Variants in TNPO3 observed in about 807,000 individuals in gnomAD.
TNPO3 encodes transportin-3.
In TNPO3, 65 loss-of-function variants were observed where a neutral mutation model predicts 122.8. That is an observed-to-expected ratio of 0.53 (90% confidence interval 0.43 to 0.65). The LOEUF is 0.65. Among genes scored for constraint, TNPO3 ranks in the 30% least tolerant of loss-of-function variants. The pLI is 0.00. For missense variants in TNPO3, 850 were observed against 1,136.7 expected (o/e 0.75, Z 3.63); for synonymous variants, 372 against 411.2 (o/e 0.90, Z 1.15).
At chr7:128,956,659 T>C (rs561152570) in intron 22 of TNPO3, among the ~76,000 whole-genome samples, 4 of 152,202 alleles carry the variant, frequency 2.6e-5, no homozygotes, top group Admixed American at 6.5e-5. Context: ...AAATCCAAAA[T>C]TGAAAAACAC....
rs11538883 is a variant in TNPO3, at chr7:129,001,174, G to C, written c.757C>G (p.Leu253Val). Reference protein sequence around the residue: ...EAASDCVCSALYAIENVETNL... With the variant: ...EAASDCVCSAVYAIENVETNL... ...GTCTCCACATTCTCAATGGCATAGA[G>C]AGCTGAGCATACACAGTCCGAAGCA... The change falls in exon 6 of 23, where the codon CTC becomes GTC. Residue 253 changes from leucine to valine, a missense_variant. By Grantham distance (32) the Leu-to-Val change is conservative. Coordinates refer to ENST00000265388, the MANE Select transcript of TNPO3 (RefSeq NM_012470.4). The C allele has an allele frequency of 6.2e-7, 1 of 1,614,140 alleles. No homozygotes were observed. Among genetic ancestry groups the C allele is most frequent in the Non-Finnish European group, 8.5e-7 (1 of 1,180,012 alleles).
intron 3 of TNPO3, among the ~76,000 whole-genome samples, chr7:129,015,409 T>C (rs1164090284): frequency 6.6e-6 from 1 of 152,240 alleles, no homozygotes; most frequent in East Asian, 1.9e-4. Context: ...GAAAAACATG[T>C]ATGAAACATA....
intron 1 of TNPO3, among the ~76,000 whole-genome samples, chr7:129,039,076 T>A (rs1807051339): frequency 6.6e-6 from 1 of 152,024 alleles, no homozygotes; most frequent in African/African-American, 2.4e-5. Context: ...TGATTAGCCA[T>A]CAGGAAATGC....
intron 20 of TNPO3, 52 bp from the exon 21 acceptor site, chr7:128,967,444 C>T (rs929969570): frequency 3.3e-6 from 4 of 1,218,768 alleles, no homozygotes; most frequent in Non-Finnish European, 4.9e-6. Flanking sequence ...GCTTACTCAC[C>T]TGAGACCCTA....
intron 13 of TNPO3, among the ~76,000 whole-genome samples, chr7:128,982,708 G>C (rs1799752070): frequency 6.6e-6 from 1 of 151,854 alleles, no homozygotes; most frequent in Non-Finnish European, 1.5e-5. Flanking sequence ...ATATTATAAG[G>C]CTTTAAAATT....
intron 13 of TNPO3, among the ~76,000 whole-genome samples, chr7:128,982,754 T>C (rs926953600): frequency 9.9e-5 from 15 of 152,200 alleles, no homozygotes; most frequent in African/African-American, 3.4e-4. Context: ...GCAAATTGTC[T>C]CTTACTCTTC....
chr7:129,019,856 T>C (rs1486092654), intron 1 of TNPO3, among the ~76,000 whole-genome samples: 1 of 151,456 alleles, frequency 6.6e-6, no homozygotes, highest in Admixed American at 6.6e-5. Flanking sequence ...ATTAGGCGGG[T>C]GTAGTGGCAC....
intron 10 of TNPO3, among the ~76,000 whole-genome samples, chr7:128,991,595 T>C (rs1800753672): frequency 6.6e-6 from 1 of 152,180 alleles, no homozygotes; most frequent in Non-Finnish European, 1.5e-5. Flanking sequence ...TGAAACAATG[T>C]AATTAATTTT....
intron 6 of TNPO3, 70 bp downstream of exon 6, chr7:129,000,989 T>TA (rs1801882571): frequency 3.3e-6 from 5 of 1,521,114 alleles, no homozygotes; most frequent in Middle Eastern, 1.7e-4. Context: ...AGACGAATAA[T>TA]AAAAAGTGAC....
At chr7:129,016,837 T>G in intron 3 of TNPO3, 146 bp downstream of exon 3, 1 of 650,756 alleles carries the variant, frequency 1.5e-6, no homozygotes, top group African/African-American at 1.8e-5. Flanking sequence ...TAGATAAGTT[T>G]CATTTAATCT....
At chr7:128,977,085 AC>A (rs1799138605) in intron 16 of TNPO3, among the ~76,000 whole-genome samples, 1 of 152,202 alleles carries the variant, frequency 6.6e-6, no homozygotes, top group Non-Finnish European at 1.5e-5. Flanking sequence ...AAACACAAAA[AC>A]AAAAATAGGT....
chr7:128,991,476 A>T (rs959714004), intron 10 of TNPO3, among the ~76,000 whole-genome samples: 1 of 152,238 alleles, frequency 6.6e-6, no homozygotes, highest in African/African-American at 2.4e-5. Flanking sequence ...CTATGGAATT[A>T]GAAGTAAAAT....
intron 1 of TNPO3, among the ~76,000 whole-genome samples, chr7:129,036,336 C>G (rs1011621969): frequency 3.3e-5 from 5 of 152,128 alleles, no homozygotes; most frequent in African/African-American, 7.2e-5. Flanking sequence ...CCCACCTCAG[C>G]CTCCTGTGTA....
chr7:128,965,682 A>C (rs1205475832), intron 21 of TNPO3, among the ~76,000 whole-genome samples: 1 of 152,226 alleles, frequency 6.6e-6, no homozygotes, highest in Non-Finnish European at 1.5e-5. Flanking sequence ...CAGCAGCCCA[A>C]ATGGCCATCA....
intron 20 of TNPO3, among the ~76,000 whole-genome samples, chr7:128,969,553 C>G (rs1256582951): frequency 6.6e-6 from 1 of 152,152 alleles, no homozygotes; most frequent in East Asian, 1.9e-4. Context: ...AACTTTCACA[C>G]AGTACACATA....
At chr7:128,990,501 T>C (rs1367207422) in intron 10 of TNPO3, among the ~76,000 whole-genome samples, 1 of 152,222 alleles carries the variant, frequency 6.6e-6, no homozygotes, top group Non-Finnish European at 1.5e-5. Flanking sequence ...ACTCAATAAA[T>C]ATTGCTGAAT....
intron 1 of TNPO3, among the ~76,000 whole-genome samples, chr7:129,036,205 G>A (rs908591858): frequency 5.9e-5 from 9 of 151,718 alleles, no homozygotes; most frequent in South Asian, 2.1e-4. Flanking sequence ...CGCCCACCTC[G>A]GCCTCCCAAA....
At chr7:128,962,137 G>A (rs76576038) in intron 21 of TNPO3, among the ~76,000 whole-genome samples, 14,386 of 151,772 alleles carry the variant, frequency 0.095, 743 homozygotes, top group Non-Finnish European at 0.12. Flanking sequence ...AGGCCGAGGC[G>A]GATGGATCAT....
At chr7:128,998,313 T>C (rs906621196) in intron 7 of TNPO3, among the ~76,000 whole-genome samples, 4 of 152,146 alleles carry the variant, frequency 2.6e-5, no homozygotes, top group East Asian at 2.0e-4. Flanking sequence ...TGAGCTGTGA[T>C]TGCACCACAG....
Sources: allele counts gnomAD v4.1 joint callset (sites outside exome capture counted in the v4.1 genomes callset), GRCh38; gene constraint gnomAD v4.1.1; transcripts MANE v1.5; gene names NCBI Gene and HGNC (gene_info 2026-07-23, HGNC 2026-07-21).